HDAC9: variants seen among roughly 807,000 people sequenced by gnomAD.
The protein encoded by HDAC9 is histone deacetylase 9.
Under a neutral mutation model 139.4 loss-of-function variants are expected in HDAC9, and 41 were observed. That is an observed-to-expected ratio of 0.29 (90% confidence interval 0.23 to 0.38). The LOEUF is 0.38. Among genes scored for constraint, HDAC9 ranks in the 10% least tolerant of loss-of-function variants. HDAC9 has a pLI of 1.00. For missense variants in HDAC9, 1,147 were observed against 1,297.0 expected (o/e 0.88, Z 1.78); for synonymous variants, 517 against 476.2 (o/e 1.09, Z -1.12).
At chr7:18,469,944 A>G (rs891939061) in intron 1 of HDAC9, among the ~76,000 whole-genome samples, 11 of 152,184 alleles carry the variant, frequency 7.2e-5, no homozygotes, top group Non-Finnish European at 1.3e-4. Flanking sequence ...ATAAGGAGCT[A>G]TGTCAGAAAC....
chr7:18,378,548 A>G (rs558427828), intron 1 of HDAC9, among the ~76,000 whole-genome samples: 57 of 152,184 alleles, frequency 3.7e-4, no homozygotes, highest in Non-Finnish European at 5.3e-4. Context: ...AACCACAGAA[A>G]GTCAAATTTT....
intron 2 of HDAC9, among the ~76,000 whole-genome samples, chr7:18,201,112 C>T (rs755448518): frequency 2.0e-4 from 30 of 152,054 alleles, no homozygotes; most frequent in Non-Finnish European, 2.8e-4. Context: ...AACTCGTGTC[C>T]GCCTCGCAAC....
chr7:18,832,526 A>G (rs1236581412), intron 19 of HDAC9, among the ~76,000 whole-genome samples: 3 of 152,174 alleles, frequency 2.0e-5, no homozygotes, highest in African/African-American at 4.8e-5. Flanking sequence ...ATTTCCCCAC[A>G]TATCTTAGAT....
chr7:18,296,971 A>G (rs1284145373), intron 1 of HDAC9, among the ~76,000 whole-genome samples: 3 of 152,204 alleles, frequency 2.0e-5, no homozygotes, highest in African/African-American at 7.2e-5. Flanking sequence ...TTGAAGTGCC[A>G]TGTTTATTGT....
At chr7:18,408,055 G>A (rs1346681930) in intron 1 of HDAC9, among the ~76,000 whole-genome samples, 1 of 152,156 alleles carries the variant, frequency 6.6e-6, no homozygotes. Flanking sequence ...GGGATTAAAT[G>A]AGATGATGTA....
chr7:18,344,948 A>G (rs2128666060), intron 1 of HDAC9, among the ~76,000 whole-genome samples: 1 of 152,180 alleles, frequency 6.6e-6, no homozygotes, highest in Admixed American at 6.6e-5. Context: ...AAAAGTAATC[A>G]GTCAGGTCAT....
chr7:18,206,102 C>T (rs1189188897), intron 2 of HDAC9, among the ~76,000 whole-genome samples: 1 of 151,982 alleles, frequency 6.6e-6, no homozygotes, highest in Non-Finnish European at 1.5e-5. Flanking sequence ...GCCATGAAAG[C>T]TATATTTTTA....
At chr7:18,434,122 C>A (rs1341725008) in intron 1 of HDAC9, among the ~76,000 whole-genome samples, 1 of 152,174 alleles carries the variant, frequency 6.6e-6, no homozygotes, top group Non-Finnish European at 1.5e-5. Context: ...ACACCTACAA[C>A]CAACTGATCT....
intron 22 of HDAC9, among the ~76,000 whole-genome samples, chr7:18,898,026 C>T (rs758556959): frequency 6.6e-6 from 1 of 151,892 alleles, no homozygotes; most frequent in South Asian, 2.1e-4. Flanking sequence ...ATATATTTCA[C>T]ACATTTCTTT....
chr7:18,276,883 A>G (rs1796758281), intron 2 of HDAC9, among the ~76,000 whole-genome samples: 1 of 152,188 alleles, frequency 6.6e-6, no homozygotes. Context: ...GACAGTGACA[A>G]AAATGGCTTC....
intron 1 of HDAC9, among the ~76,000 whole-genome samples, chr7:18,122,793 A>G (rs1784433129): frequency 6.6e-6 from 1 of 151,904 alleles, no homozygotes; most frequent in Admixed American, 6.6e-5. Context: ...TAATTTTTAT[A>G]TCTTTAGTTG....
intron 1 of HDAC9, among the ~76,000 whole-genome samples, chr7:18,437,555 A>G (rs1384517384): frequency 6.7e-6 from 1 of 149,658 alleles, no homozygotes; most frequent in Non-Finnish European, 1.5e-5. Flanking sequence ...TCTGGAAATT[A>G]TATATATATA....
chr7:18,739,726 G>A (rs1305053310), intron 13 of HDAC9, among the ~76,000 whole-genome samples: 1 of 152,210 alleles, frequency 6.6e-6, no homozygotes. Context: ...GGGTGTCAGG[G>A]ACCCACTCGA....
At chr7:18,667,418 A>G in intron 12 of HDAC9, 2 of 984,090 alleles carry the variant, frequency 2.0e-6, no homozygotes, top group Non-Finnish European at 2.4e-6. Flanking sequence ...ATAATTCCAT[A>G]ATGACATGGG....
At chr7:18,209,978 G>A (rs1584650459) in intron 2 of HDAC9, among the ~76,000 whole-genome samples, 1 of 151,822 alleles carries the variant, frequency 6.6e-6, no homozygotes, top group Non-Finnish European at 1.5e-5. Flanking sequence ...GGGATTACAG[G>A]CGTGAGCCAC....
chr7:18,982,568 C>T (rs1736840654), intron 25 of HDAC9, among the ~76,000 whole-genome samples: 1 of 152,066 alleles, frequency 6.6e-6, no homozygotes, highest in Non-Finnish European at 1.5e-5. Flanking sequence ...CTCATATAAA[C>T]ACCACCCAGA....
chr7:18,921,218 C>T (rs1337930409), intron 22 of HDAC9, among the ~76,000 whole-genome samples: 1 of 152,052 alleles, frequency 6.6e-6, no homozygotes, highest in Non-Finnish European at 1.5e-5. Flanking sequence ...CAACAAAAGC[C>T]AAAATTGACA....
At chr7:18,509,307 G>A in intron 2 of HDAC9, 1 of 985,448 alleles carries the variant, frequency 1.0e-6, no homozygotes, top group Non-Finnish European at 1.2e-6. Context: ...AAGGGGTGGG[G>A]AAGCCTTTAT....
intron 16 of HDAC9, among the ~76,000 whole-genome samples, chr7:18,782,077 A>G (rs1225699758): frequency 6.6e-6 from 1 of 152,084 alleles, no homozygotes; most frequent in East Asian, 1.9e-4. Context: ...GCATCTGATC[A>G]TTATTTAAGC....
Sources: allele counts gnomAD v4.1 joint callset (sites outside exome capture counted in the v4.1 genomes callset), GRCh38; gene constraint gnomAD v4.1.1; transcripts MANE v1.5; gene names NCBI Gene and HGNC (gene_info 2026-07-23, HGNC 2026-07-21).